TMEM178B: variants seen among roughly 807,000 people sequenced by gnomAD.
TMEM178B encodes the protein transmembrane protein 178B.
Under a neutral mutation model 31.0 loss-of-function variants are expected in TMEM178B, and 5 were observed. That is an observed-to-expected ratio of 0.16 (90% CI 0.08 to 0.34). The LOEUF is 0.34. Ranked by LOEUF, TMEM178B falls within the 10% of genes least tolerant of loss-of-function variation. TMEM178B has a pLI of 1.00. For missense variants in TMEM178B, 275 were observed against 400.3 expected (o/e 0.69, Z 2.67); for synonymous variants, 164 against 164.0 (o/e 1.00, Z 0.00).
chr7:141,262,719 G>A (rs1415746770), intron 2 of TMEM178B, among the ~76,000 whole-genome samples: 4 of 152,034 alleles, frequency 2.6e-5, no homozygotes, highest in African/African-American at 7.2e-5. Flanking sequence ...AGTCATTGAC[G>A]ACAATGCAAT....
chr7:141,108,769 C>T (rs1795186435), intron 1 of TMEM178B, among the ~76,000 whole-genome samples: 1 of 152,114 alleles, frequency 6.6e-6, no homozygotes, highest in Non-Finnish European at 1.5e-5. Context: ...CAGTGTTCTG[C>T]TGTGTTAGCA....
At chr7:141,364,589 G>A (rs1799971779) in intron 2 of TMEM178B, among the ~76,000 whole-genome samples, 1 of 150,930 alleles carries the variant, frequency 6.6e-6, no homozygotes, top group Non-Finnish European at 1.5e-5. Context: ...GAACCCAGGA[G>A]GGAGAGGTTG....
intron 1 of TMEM178B, among the ~76,000 whole-genome samples, chr7:141,159,942 G>A (rs563480607): frequency 4.5e-4 from 67 of 150,470 alleles, no homozygotes; most frequent in Non-Finnish European, 7.8e-4. Flanking sequence ...GGCTAAGGTG[G>A]TGAATTTTAA....
intron 1 of TMEM178B, among the ~76,000 whole-genome samples, chr7:141,087,222 A>G (rs931955166): frequency 6.6e-6 from 1 of 152,240 alleles, no homozygotes; most frequent in Non-Finnish European, 1.5e-5. Context: ...AGAAGCATTT[A>G]GAAAAAAGGG....
chr7:141,182,597 G>A (rs1270227835), intron 1 of TMEM178B, among the ~76,000 whole-genome samples: 3 of 152,142 alleles, frequency 2.0e-5, no homozygotes, highest in African/African-American at 4.8e-5. Context: ...AAACAGAAGA[G>A]TTGATAGGGA....
intron 2 of TMEM178B, among the ~76,000 whole-genome samples, chr7:141,389,450 A>C (rs548319185): frequency 6.6e-6 from 1 of 152,352 alleles, no homozygotes; most frequent in East Asian, 1.9e-4. Context: ...AGGAAGAAAG[A>C]AGGTACATCT....
chr7:141,142,103 T>C (rs1795778637), intron 1 of TMEM178B, among the ~76,000 whole-genome samples: 1 of 152,148 alleles, frequency 6.6e-6, no homozygotes, highest in Admixed American at 6.5e-5. Context: ...CTTATGTCCA[T>C]GAGTACCCAG....
intron 1 of TMEM178B, among the ~76,000 whole-genome samples, chr7:141,105,047 C>A (rs922468861): frequency 1.9e-4 from 29 of 152,056 alleles, no homozygotes; most frequent in African/African-American, 6.5e-4. Context: ...CAGAGAATTA[C>A]CCCAACCCCA....
At chr7:141,310,320 G>C (rs987843655) in intron 2 of TMEM178B, among the ~76,000 whole-genome samples, 28 of 151,100 alleles carry the variant, frequency 1.9e-4, no homozygotes, top group Admixed American at 9.9e-4. Flanking sequence ...CAACAAATAT[G>C]AAAAGAAGTC....
intron 1 of TMEM178B, among the ~76,000 whole-genome samples, chr7:141,206,240 T>C (rs779581088): frequency 1.3e-5 from 2 of 152,278 alleles, no homozygotes; most frequent in African/African-American, 2.4e-5. Flanking sequence ...TCTCTTCCCA[T>C]TGATGCTTCC....
Position 141,138,829 on chromosome 7 carries a change from A to G in TMEM178B, c.382+64137A>G, listed in dbSNP as rs576644627. On this transcript the variant is annotated intron_variant, in intron 1 of 3. Coordinates refer to ENST00000565468, the MANE Select transcript of TMEM178B (RefSeq NM_001195278.2). ...AACCCTGTCTCTACTAAAAAAATAC[A>G]AAAAATTAGCCGGGTGTGGTGGCAC... Among the ~76,000 whole-genome samples, 12 of 151,912 alleles carry G rather than the reference A, an allele frequency of 7.9e-5. No homozygotes were observed. In the South Asian group the frequency reaches 2.5e-3, roughly 32 times the overall value.
intron 2 of TMEM178B, among the ~76,000 whole-genome samples, chr7:141,292,314 CTT>C (rs1008242530): frequency 6.6e-5 from 10 of 152,244 alleles, no homozygotes; most frequent in African/African-American, 2.2e-4. Context: ...ATTTTCCCCT[CTT>C]TGGTTTATTC....
chr7:141,469,920 G>C (rs1485158052), intron 3 of TMEM178B, among the ~76,000 whole-genome samples: 1 of 152,172 alleles, frequency 6.6e-6, no homozygotes, highest in African/African-American at 2.4e-5. Flanking sequence ...TCATGAGTAG[G>C]ATTCCCCGTC....
intron 2 of TMEM178B, among the ~76,000 whole-genome samples, chr7:141,245,206 A>G (rs1428244171): frequency 1.5e-5 from 2 of 134,228 alleles, no homozygotes; most frequent in Non-Finnish European, 3.1e-5. Context: ...AAAAAAAAAA[A>G]AAAAGAAGGA....
chr7:141,316,980 C>T (rs990736127), intron 2 of TMEM178B, among the ~76,000 whole-genome samples: 2 of 152,172 alleles, frequency 1.3e-5, no homozygotes, highest in African/African-American at 4.8e-5. Flanking sequence ...TGCCACAGTT[C>T]CCCAGTTCTG....
intron 2 of TMEM178B, among the ~76,000 whole-genome samples, chr7:141,332,618 T>C (rs1256176525): frequency 6.6e-6 from 1 of 152,254 alleles, no homozygotes; most frequent in Non-Finnish European, 1.5e-5. Context: ...GTTTTCACAT[T>C]ATACAAAACA....
intron 1 of TMEM178B, among the ~76,000 whole-genome samples, chr7:141,189,878 G>A (rs1005545388): frequency 6.6e-6 from 1 of 152,180 alleles, no homozygotes; most frequent in Admixed American, 6.5e-5. Flanking sequence ...GTAGCTGTGC[G>A]TGTGGAACCC....
chr7:141,262,951 T>C (rs971457511), intron 2 of TMEM178B, among the ~76,000 whole-genome samples: 6 of 152,148 alleles, frequency 3.9e-5, no homozygotes, highest in Non-Finnish European at 7.4e-5. Flanking sequence ...CCAAAATGCA[T>C]TTTCTTTCCC....
chr7:141,287,983 TC>T (rs978940951), intron 2 of TMEM178B, among the ~76,000 whole-genome samples: 2 of 152,188 alleles, frequency 1.3e-5, no homozygotes, highest in South Asian at 2.1e-4. Flanking sequence ...CTTGTTTTTT[TC>T]CCCCCCAATA....
Sources: gnomAD v4.1 joint callset for allele counts (sites outside exome capture counted in the v4.1 genomes callset) on GRCh38, gnomAD v4.1.1 for gene constraint, MANE v1.5 for transcripts, NCBI Gene and HGNC (gene_info 2026-07-23, HGNC 2026-07-21) for gene names.